STXBP5L: variants seen among roughly 807,000 people sequenced by gnomAD.
STXBP5L encodes syntaxin binding protein 5L.
Under a neutral mutation model 144.5 loss-of-function variants are expected in STXBP5L, and 65 were observed. The ratio of observed to expected loss-of-function variants is 0.45; its 90% confidence interval spans 0.37 to 0.55. The LOEUF (loss-of-function observed/expected upper bound fraction) is 0.55. Among genes scored for constraint, STXBP5L ranks in the 20% least tolerant of loss-of-function variants. The pLI is 0.00. For missense variants in STXBP5L, 1,298 were observed against 1,405.5 expected, an observed-to-expected ratio of 0.92 and a Z score of 1.22; for synonymous variants, 505 against 469.6, an observed-to-expected ratio of 1.08 and a Z score of -0.97.
At chr3:121,127,464 G>A (rs1475823728) in intron 7 of STXBP5L, among the ~76,000 whole-genome samples, 1 of 151,900 alleles carries the variant, frequency 6.6e-6, no homozygotes, top group Non-Finnish European at 1.5e-5. Context: ...TCCAGCTTAG[G>A]TGGCTCCTGA....
At chr3:121,378,918 A>C in intron 21 of STXBP5L, 32 bp downstream of exon 21, 1 of 1,593,184 alleles carries the variant, frequency 6.3e-7, no homozygotes, top group Non-Finnish European at 8.6e-7. Context: ...TTTTTGTTAC[A>C]GTTAAAATTT....
intron 5 of STXBP5L, among the ~76,000 whole-genome samples, chr3:121,069,946 T>C (rs1396183246): frequency 6.6e-6 from 1 of 152,222 alleles, no homozygotes; most frequent in East Asian, 1.9e-4. Context: ...CTATGTACTT[T>C]CCTCTTAGCA....
chr3:120,933,174 T>G (rs1710055866), intron 2 of STXBP5L, among the ~76,000 whole-genome samples: 1 of 151,992 alleles, frequency 6.6e-6, no homozygotes, highest in African/African-American at 2.4e-5. Context: ...TGTGCACAGG[T>G]ACCCTAAAAC....
intron 5 of STXBP5L, among the ~76,000 whole-genome samples, chr3:121,052,825 A>T (rs1252792621): frequency 2.0e-5 from 3 of 152,214 alleles, no homozygotes; most frequent in African/African-American, 7.2e-5. Context: ...TGCAGATGAC[A>T]TGATTGTGTA....
chr3:121,410,201 TTGTGTATG>T (rs1285470042), intron 23 of STXBP5L, among the ~76,000 whole-genome samples: 3 of 151,866 alleles, frequency 2.0e-5, no homozygotes, highest in South Asian at 2.1e-4. Flanking sequence ...AAAGGTCTAT[TTGTGTATG>T]TGTGTAAATG....
chr3:121,335,600 G>T (rs2044477914), intron 20 of STXBP5L, among the ~76,000 whole-genome samples: 1 of 152,104 alleles, frequency 6.6e-6, no homozygotes, highest in Admixed American at 6.6e-5. Flanking sequence ...TACAAAAACA[G>T]ACACATAGAC....
intron 20 of STXBP5L, among the ~76,000 whole-genome samples, chr3:121,373,144 A>T (rs1270911964): frequency 3.9e-5 from 6 of 152,234 alleles, no homozygotes; most frequent in African/African-American, 1.4e-4. Context: ...TCCAGTAAGA[A>T]AACAACAGGG....
intron 18 of STXBP5L, among the ~76,000 whole-genome samples, chr3:121,263,743 C>T (rs574467887): frequency 5.9e-5 from 9 of 151,868 alleles, no homozygotes; most frequent in Non-Finnish European, 1.0e-4. Flanking sequence ...TGAAATAAAG[C>T]GTGAAGAAAG....
intron 5 of STXBP5L, among the ~76,000 whole-genome samples, chr3:121,058,838 ATTTG>A (rs1206447593): frequency 1.3e-5 from 2 of 151,952 alleles, no homozygotes; most frequent in African/African-American, 4.8e-5. Flanking sequence ...TTTCTTGTAA[ATTTG>A]TTTAAGTTCT....
intron 3 of STXBP5L, among the ~76,000 whole-genome samples, chr3:120,977,288 A>C (rs1003165059): frequency 4.6e-5 from 7 of 152,036 alleles, no homozygotes; most frequent in Admixed American, 1.3e-4. Context: ...TGATCCCTTT[A>C]CCATTATGTA....
At chr3:121,230,836 G>A (rs2049283269) in intron 11 of STXBP5L, among the ~76,000 whole-genome samples, 1 of 152,106 alleles carries the variant, frequency 6.6e-6, no homozygotes, top group African/African-American at 2.4e-5. Flanking sequence ...TCTGTTCCAC[G>A]TGGCTGAAGC....
At chr3:121,317,075 GACATAGTTTAGT>G (rs1466158704) in intron 19 of STXBP5L, among the ~76,000 whole-genome samples, 5 of 152,054 alleles carry the variant, frequency 3.3e-5, no homozygotes, top group Non-Finnish European at 7.4e-5. Context: ...GACCGTGTTC[GACATAGTTTAGT>G]TTGATGAATG....
intron 9 of STXBP5L, among the ~76,000 whole-genome samples, chr3:121,204,685 A>T (rs1431771804): frequency 6.6e-6 from 1 of 152,214 alleles, no homozygotes; most frequent in Non-Finnish European, 1.5e-5. Flanking sequence ...TATGTAATAG[A>T]TAAACAACTG....
At chr3:121,378,592 T>C in intron 20 of STXBP5L, 124 bp from the exon 21 acceptor site, 2 of 1,146,556 alleles carry the variant, frequency 1.7e-6, no homozygotes, top group Non-Finnish European at 2.3e-6. Context: ...GACTTAACTA[T>C]ATTCATGTGG....
chr3:121,257,097 A>T, intron 16 of STXBP5L, 64 bp from the exon 17 acceptor site: 1 of 1,234,846 alleles, frequency 8.1e-7, no homozygotes, highest in Non-Finnish European at 1.1e-6. Flanking sequence ...ATTATGACTT[A>T]GATTAAATTA....
intron 11 of STXBP5L, among the ~76,000 whole-genome samples, chr3:121,225,089 C>T (rs993360012): frequency 6.6e-6 from 1 of 152,082 alleles, no homozygotes; most frequent in Non-Finnish European, 1.5e-5. Context: ...TTTCACTTGT[C>T]AAAAGCTAGG....
At chr3:121,313,139 G>C (rs1431649784) in intron 19 of STXBP5L, among the ~76,000 whole-genome samples, 1 of 128,778 alleles carries the variant, frequency 7.8e-6, no homozygotes, top group Non-Finnish European at 1.7e-5. Flanking sequence ...AGGCAGAGGG[G>C]TCCTCACTTC....
intron 9 of STXBP5L, among the ~76,000 whole-genome samples, chr3:121,188,286 G>A (rs1466041904): frequency 6.6e-6 from 1 of 152,154 alleles, no homozygotes; most frequent in African/African-American, 2.4e-5. Context: ...ATAGTTGAAA[G>A]TAAAGCACTC....
rs1257197187 is a variant in STXBP5L at position 121,073,843 on chromosome 3, A to T, written c.470+28308A>T. Among the ~76,000 whole-genome samples, 6 of 152,306 alleles carry T rather than the reference A, an allele frequency of 3.9e-5. No homozygotes were observed. In the East Asian group the frequency reaches 1.2e-3, roughly 29 times the overall value. On this transcript the variant is annotated intron_variant, in intron 5 of 26. Coordinates refer to ENST00000471454, the MANE Select transcript of STXBP5L (RefSeq NM_001308330.2). Reference sequence around the variant, plus strand: ...TTGTCGCCTAGTGTCAGGTAGAGGAATGCCACACATGTTCTCTTTTCACTC... The same window carrying T: ...TTGTCGCCTAGTGTCAGGTAGAGGATTGCCACACATGTTCTCTTTTCACTC...
Sources: gnomAD v4.1 joint callset for allele counts (sites outside exome capture counted in the v4.1 genomes callset) on GRCh38, gnomAD v4.1.1 for gene constraint, MANE v1.5 for transcripts, NCBI Gene and HGNC (gene_info 2026-07-23, HGNC 2026-07-21) for gene names.